SAXO1: variants seen among roughly 807,000 people sequenced by gnomAD.
SAXO1 encodes the protein stabilizer of axonemal microtubules 1.
SAXO1 carries 21 observed loss-of-function variants against 17.5 expected under a neutral mutation model. The observed-to-expected ratio is 1.20, with a 90% CI of 0.85 to 1.72. The LOEUF (loss-of-function observed/expected upper bound fraction) is 1.72. SAXO1 is among the 40% of genes most tolerant of loss of function. The pLI, the probability that SAXO1 is intolerant of heterozygous loss-of-function variation, is 0.00. For missense variants in SAXO1, 843 were observed against 596.0 expected (o/e 1.41, Z -4.32); for synonymous variants, 274 against 216.5 (o/e 1.27, Z -2.33).
chr9:18,964,004 C>T (rs547492027), intron 1 of SAXO1, among the ~76,000 whole-genome samples: 106 of 151,898 alleles, frequency 7.0e-4, no homozygotes, highest in Non-Finnish European at 1.2e-3. Context: ...TTGTCAAAGG[C>T]CTTTTCTGTA....
intron 1 of SAXO1, among the ~76,000 whole-genome samples, chr9:18,959,022 C>A (rs1228112729): frequency 6.6e-6 from 1 of 152,010 alleles, no homozygotes; most frequent in Non-Finnish European, 1.5e-5. Flanking sequence ...TTTGATGCCA[C>A]AGAAAAATCA....
In SAXO1 at chr9:19,027,966, G is replaced by A. The variant is rs565873339; in HGVS notation, c.38+4905C>T. On this transcript the variant is annotated intron_variant, in intron 1 of 3. Coordinates refer to ENST00000380534, the MANE Select transcript of SAXO1 (RefSeq NM_153707.4). ...TCCTGACGTGAACTGCGAGGGAGCT[G>A]ACCCGCTGCACAGATGACTTCAACG... The A allele has an allele frequency of 1.5e-5, 22 of 1,515,486 alleles. No individual in the cohort carries two copies. In the East Asian group the frequency reaches 3.4e-4, roughly 23 times the overall value. 93.9% of individuals were successfully genotyped at this position (1,515,486 alleles called of 1,614,324 possible).
At chr9:18,950,558 G>C (rs1318803983) in intron 2 of SAXO1, among the ~76,000 whole-genome samples, 200 bp downstream of exon 2, 1 of 152,112 alleles carries the variant, frequency 6.6e-6, no homozygotes, top group East Asian at 1.9e-4. Flanking sequence ...CTTTAACAGA[G>C]AATTTGGAAA....
chr9:18,930,414 C>T (rs1379728653), intron 3 of SAXO1, among the ~76,000 whole-genome samples: 3 of 152,154 alleles, frequency 2.0e-5, no homozygotes, highest in African/African-American at 7.2e-5. Flanking sequence ...CACAGACCAT[C>T]AGGGCCAGCA....
intron 1 of SAXO1, among the ~76,000 whole-genome samples, chr9:18,975,203 C>CTGCAGGCTGGGGAAGCAGGGAGAG (rs143134016): frequency 2.7e-5 from 4 of 149,972 alleles, no homozygotes; most frequent in African/African-American, 7.4e-5. Flanking sequence ...AGCAAGGAGG[C>CTGCAGGCTGGGGAAGCAGGGAGAG]TGCAGGCTGG....
intron 1 of SAXO1, among the ~76,000 whole-genome samples, chr9:18,966,586 CCAT>C (rs1463591642): frequency 1.3e-5 from 2 of 152,158 alleles, no homozygotes; most frequent in African/African-American, 4.8e-5. Flanking sequence ...TTCTACACCT[CCAT>C]CAAGTCATTT....
chr9:18,973,663 G>T (rs577389844), intron 1 of SAXO1, among the ~76,000 whole-genome samples: 2 of 152,136 alleles, frequency 1.3e-5, no homozygotes, highest in African/African-American at 4.8e-5. Context: ...TGGCTCACCT[G>T]GCTACTTAAG....
chr9:18,940,623 T>C (rs571597550), intron 3 of SAXO1, among the ~76,000 whole-genome samples: 8 of 152,226 alleles, frequency 5.3e-5, no homozygotes, highest in Non-Finnish European at 8.8e-5. Context: ...CCGTGAACTG[T>C]TCAGCTTGTC....
chr9:19,017,524 C>A (rs987928894), intron 1 of SAXO1, among the ~76,000 whole-genome samples: 1 of 152,220 alleles, frequency 6.6e-6, no homozygotes, highest in East Asian at 1.9e-4. Flanking sequence ...CAGGCCTTAG[C>A]GGCTGGCTCA....
intron 3 of SAXO1, among the ~76,000 whole-genome samples, chr9:18,931,960 T>C (rs1245592965): frequency 6.6e-6 from 1 of 152,248 alleles, no homozygotes. Context: ...CTATCACTTC[T>C]CTTTTCATTT....
At chr9:19,014,626 A>G (rs1402118943) in intron 1 of SAXO1, among the ~76,000 whole-genome samples, 1 of 152,148 alleles carries the variant, frequency 6.6e-6, no homozygotes, top group Non-Finnish European at 1.5e-5. Context: ...GCCACCAAAC[A>G]TACTTTGAAA....
intron 1 of SAXO1, among the ~76,000 whole-genome samples, chr9:19,008,160 A>T (rs1834566867): frequency 6.6e-6 from 1 of 151,372 alleles, no homozygotes; most frequent in African/African-American, 2.5e-5. Context: ...TTTTTAGTAG[A>T]GAGGGGGTTT....
intron 1 of SAXO1, among the ~76,000 whole-genome samples, chr9:18,977,921 G>C (rs553741796): frequency 6.9e-6 from 1 of 145,970 alleles, no homozygotes; most frequent in Non-Finnish European, 1.5e-5. Flanking sequence ...ACTTGAACCC[G>C]GGAGGCGGAG....
intron 1 of SAXO1, among the ~76,000 whole-genome samples, chr9:18,984,030 ATATTCATCTCCT>A (rs369653377): frequency 0.02 from 2,990 of 152,356 alleles, 94 homozygotes; most frequent in African/African-American, 0.068. Flanking sequence ...GGGATAGACA[ATATTCATCTCCT>A]TATACATCTC....
At chr9:18,955,062 T>C (rs1012389382) in intron 1 of SAXO1, among the ~76,000 whole-genome samples, 3 of 152,176 alleles carry the variant, frequency 2.0e-5, no homozygotes, top group Non-Finnish European at 4.4e-5. Flanking sequence ...CCAGGCATAG[T>C]GGCACCTGCC....
intron 1 of SAXO1, among the ~76,000 whole-genome samples, chr9:18,972,715 C>G (rs541067994): frequency 1.3e-5 from 2 of 152,300 alleles, no homozygotes; most frequent in Non-Finnish European, 2.9e-5. Flanking sequence ...AGCGTACCAA[C>G]AGAAGGGCCT....
chr9:18,957,039 C>A (rs1362863078), intron 1 of SAXO1, among the ~76,000 whole-genome samples: 1 of 152,180 alleles, frequency 6.6e-6, no homozygotes. Context: ...GGAATGCCAG[C>A]CTGTACCAAG....
intron 1 of SAXO1, among the ~76,000 whole-genome samples, chr9:18,974,954 A>C (rs562351325): frequency 6.6e-6 from 1 of 152,280 alleles, no homozygotes; most frequent in South Asian, 2.1e-4. Flanking sequence ...GAACATGGTG[A>C]CTTTACAGTG....
rs566925849 is a variant in SAXO1, at chr9:19,003,760, C to T, written c.38+29111G>A. Among the ~76,000 whole-genome samples, 350 of 152,302 alleles carry T rather than the reference C, an allele frequency of 2.3e-3. 3 individuals carry two copies. Among genetic ancestry groups the T allele is most frequent in the Non-Finnish European group, 4.0e-3 (271 of 68,018 alleles). ...AAATTGACTCAAGATGGCCTAAAGACTTAAACGTAAGACCTAAAACCATAA... is the reference window on the plus strand; with the variant it reads ...AAATTGACTCAAGATGGCCTAAAGATTTAAACGTAAGACCTAAAACCATAA... On this transcript the variant is annotated intron_variant, in intron 1 of 3. Coordinates refer to ENST00000380534, the MANE Select transcript of SAXO1 (RefSeq NM_153707.4).
Sources: gnomAD v4.1 joint callset for allele counts (sites outside exome capture counted in the v4.1 genomes callset) on GRCh38, gnomAD v4.1.1 for gene constraint, MANE v1.5 for transcripts, NCBI Gene and HGNC (gene_info 2026-07-23, HGNC 2026-07-21) for gene names.